Variants in ZNF514 observed in about 807,000 individuals in gnomAD.
The protein encoded by ZNF514 is zinc finger protein 514.
Under a neutral mutation model 9.7 loss-of-function variants are expected in ZNF514, and 12 were observed. The ratio of observed to expected loss-of-function variants is 1.24; its 90% CI spans 0.79 to 2.01. ZNF514 has a LOEUF of 2.01. Ranked by LOEUF, ZNF514 falls within the 30% of genes most tolerant of loss-of-function variation. ZNF514 has a pLI of 0.00. For missense variants in ZNF514, 467 were observed against 465.5 expected (o/e 1.00, Z -0.03); for synonymous variants, 158 against 163.7 (o/e 0.97, Z 0.27).
the ZNF514 span, among the ~76,000 whole-genome samples, chr2:95,135,381 C>G: frequency 5.3e-5 from 8 of 149,932 alleles, no homozygotes; most frequent in East Asian, 1.6e-3. Context: ...TGTTTTCTTT[C>G]CTTCCTTCCT....
chr2:95,149,706 T>C lies in ZNF514; in HGVS notation c.779A>G (p.Tyr260Cys), dbSNP rs372144617. The C allele has an allele frequency of 1.2e-5, 20 of 1,614,228 alleles. No homozygotes were observed. The highest frequency in any genetic ancestry group is 2.2e-5 in the South Asian group (2 of 91,086). The change falls in exon 5 of 5, where the codon TAT becomes TGT. Residue 260 changes from tyrosine to cysteine, a missense_variant. Coordinates refer to ENST00000295208, the MANE Select transcript of ZNF514 (RefSeq NM_032788.3). ...HQRTHTGEKPYECSECGRAFS... is the reference protein window; with the variant it reads ...HQRTHTGEKPCECSECGRAFS... ...GGCTCTCCCACATTCACTGCATTCATAGGGCTTTTCTCCAGTATGAGTTCT... is the reference window on the plus strand; with the variant it reads ...GGCTCTCCCACATTCACTGCATTCACAGGGCTTTTCTCCAGTATGAGTTCT...
chr2:95,155,185 G>A (rs983469802), intron 2 of ZNF514: 1 of 152,218 alleles, frequency 6.6e-6, no homozygotes, highest in Non-Finnish European at 1.5e-5. Flanking sequence ...TTGCCCCCAA[G>A]AAAGCTTATT....
downstream of ZNF514, among the ~76,000 whole-genome samples, chr2:95,142,009 C>T (rs547101094): frequency 6.6e-6 from 1 of 152,294 alleles, no homozygotes; most frequent in East Asian, 1.9e-4. Flanking sequence ...CATCTGCTTG[C>T]TTATGGTCAT....
At chr2:95,128,118 C>T in the ZNF514 span, among the ~76,000 whole-genome samples, 1 of 151,818 alleles carries the variant, frequency 6.6e-6, no homozygotes, top group East Asian at 1.9e-4. Flanking sequence ...TAGGGCTGGG[C>T]GTGATGGCTC....
the ZNF514 span, among the ~76,000 whole-genome samples, chr2:95,139,327 G>A: frequency 1.6e-4 from 24 of 152,208 alleles, no homozygotes; most frequent in South Asian, 2.7e-3. Context: ...CAGAATGGTA[G>A]AGCCACCAGC....
At chr2:95,159,017 G>C (rs771418603) in intron 1 of ZNF514, 1 of 1,264,560 alleles carries the variant, frequency 7.9e-7, no homozygotes. Flanking sequence ...CTTTCACTAG[G>C]TCCAAATCTC....
rs1460330392 is a variant in ZNF514 at position 95,148,226 on chromosome 2, A to C, written c.*1056T>G. ...TCACTTTCTGAACATCAGTTTTATT[A>C]GCTCTAAAATACGACTGGGCTAGAT... On this transcript the variant is annotated 3_prime_UTR_variant, in exon 5 of 5. Coordinates refer to ENST00000295208, the MANE Select transcript of ZNF514 (RefSeq NM_032788.3). 1 of 152,200 alleles carries C rather than the reference A, an allele frequency of 6.6e-6. No homozygotes were observed. 9.4% of individuals were successfully genotyped at this position (152,200 alleles called of 1,614,324 possible).
chr2:95,152,627 C>T, intron 4 of ZNF514, 47 bp downstream of exon 4: 1 of 1,540,342 alleles, frequency 6.5e-7, no homozygotes, highest in East Asian at 2.2e-5. Context: ...CTACCTCCCA[C>T]CCCAGCTGGG....
At chr2:95,136,692 C>T in the ZNF514 span, among the ~76,000 whole-genome samples, 1 of 151,208 alleles carries the variant, frequency 6.6e-6, no homozygotes, top group East Asian at 1.9e-4. Flanking sequence ...TTCTGTACCT[C>T]AGATCCATCA....
the ZNF514 span, among the ~76,000 whole-genome samples, chr2:95,129,356 C>T: frequency 6.6e-6 from 1 of 152,140 alleles, no homozygotes; most frequent in African/African-American, 2.4e-5. Context: ...CACTCCAACC[C>T]TCAGCACCCT....
intron 1 of ZNF514, among the ~76,000 whole-genome samples, chr2:95,157,949 GCT>G (rs1673731531): frequency 2.0e-5 from 3 of 152,142 alleles, no homozygotes; most frequent in Non-Finnish European, 4.4e-5. Flanking sequence ...GTGTTCCCAA[GCT>G]CTGTTAGGTC....
At chr2:95,155,333 TTCCCACTCCCAAGACCAAGGG>T (rs1673659734) in intron 2 of ZNF514, 1 of 152,184 alleles carries the variant, frequency 6.6e-6, no homozygotes, top group Non-Finnish European at 1.5e-5. Flanking sequence ...CCTACAGACT[TTCCCACTCCCAAGACCAAGGG>T]TCCTCACAGT....
At chr2:95,141,972 C>T (rs748266274), downstream of ZNF514, among the ~76,000 whole-genome samples, 22 of 152,268 alleles carry the variant, frequency 1.4e-4, no homozygotes, top group Admixed American at 7.2e-4. Flanking sequence ...CAGTCCAAGA[C>T]GTCTGTAAAA....
At chr2:95,154,084 C>A (rs1573380491) in intron 2 of ZNF514, 1 of 152,368 alleles carries the variant, frequency 6.6e-6, no homozygotes, top group East Asian at 1.9e-4. Flanking sequence ...AAAATATCCA[C>A]TGACCCTCCC....
At chr2:95,125,376 G>A in the ZNF514 span, among the ~76,000 whole-genome samples, 3 of 151,544 alleles carry the variant, frequency 2.0e-5, no homozygotes, top group Non-Finnish European at 4.4e-5. Context: ...GAGTAGCTGG[G>A]ACTACAGGCG....
rs1177192689 is a variant in ZNF514, at chr2:95,158,972, T to TG, written c.-96+267dup. The TG allele has an allele frequency of 2.3e-6, 3 of 1,288,758 alleles. No individual in the cohort carries two copies. The East Asian group carries it at 1.7e-4, about 72-fold the overall frequency. The allele number at this position is 1,288,758 out of a possible 1,614,324, so 79.8% of individuals were successfully genotyped here. A position where few individuals can be genotyped will look rare whatever the true frequency, so the allele number is the denominator to read the frequency against. On this transcript the variant is annotated intron_variant, in intron 1 of 4. Transcript: ENST00000295208. Reference sequence around the variant, plus strand: ...CACGCTCCAGAGCCAAACCTGATGCTGTGGAGTCCATAGCTGGGGCTAAGG... The same window carrying TG: ...CACGCTCCAGAGCCAAACCTGATGCTGGTGGAGTCCATAGCTGGGGCTAAGG...
chr2:95,156,483 T>C (rs1237837397), intron 2 of ZNF514, among the ~76,000 whole-genome samples: 7 of 152,206 alleles, frequency 4.6e-5, no homozygotes, highest in Non-Finnish European at 4.4e-5. Flanking sequence ...ACTAACTAGA[T>C]AACCATGAAC....
chr2:95,144,159 G>A (rs1220865582), downstream of ZNF514, among the ~76,000 whole-genome samples: 1 of 152,224 alleles, frequency 6.6e-6, no homozygotes, highest in East Asian at 1.9e-4. Context: ...TGGCAAAGCA[G>A]AGTATCTGTG....
chr2:95,158,811 T>A (rs1279080690), intron 1 of ZNF514: 1 of 1,268,456 alleles, frequency 7.9e-7, no homozygotes, highest in Non-Finnish European at 1.0e-6. Context: ...CTTCTGGGTC[T>A]GGAAGGTTAG....
Sources: allele counts gnomAD v4.1 joint callset (sites outside exome capture counted in the v4.1 genomes callset), GRCh38; gene constraint gnomAD v4.1.1; transcripts MANE v1.5; gene names NCBI Gene and HGNC (gene_info 2026-07-23, HGNC 2026-07-21).